The following AK5 variants were observed in gnomAD, a reference collection of about 807,000 sequenced individuals.
AK5 encodes adenylate kinase isoenzyme 5.
A neutral mutation model predicts 69.5 loss-of-function variants in AK5; 27 were observed. The ratio of observed to expected loss-of-function variants is 0.39; its 90% CI spans 0.29 to 0.54. AK5 has a LOEUF of 0.54. AK5 is among the 20% of genes least tolerant of loss of function. The pLI, the probability that AK5 is intolerant of heterozygous loss-of-function variation, is 0.71. For missense variants in AK5, 531 were observed against 700.4 expected (o/e 0.76, Z 2.73); for synonymous variants, 260 against 244.4 (o/e 1.06, Z -0.60).
chr1:77,558,472 T>C, intron 13 of AK5, 130 bp from the exon 14 acceptor site: 2 of 529,364 alleles, frequency 3.8e-6, no homozygotes, highest in Non-Finnish European at 6.7e-6. Context: ...TTTTTCTCTG[T>C]GTTTTGGGGG....
At chr1:77,312,621 A>T (rs547269078) in intron 5 of AK5, among the ~76,000 whole-genome samples, 50 of 152,100 alleles carry the variant, frequency 3.3e-4, no homozygotes, top group Non-Finnish European at 5.9e-4. Flanking sequence ...TAAAAAAAAA[A>T]AAAAAAAACA....
rs566830586 is a variant in AK5 at position 77,468,064 on chromosome 1, C to G, written c.1060-15253C>G. On this transcript the variant is annotated intron_variant, in intron 8 of 13. Coordinates refer to ENST00000354567, the MANE Select transcript of AK5 (RefSeq NM_174858.3). ...TAGGGTTAAAGGGGGTCTTAGAGGACTGGCCTGAGGCCACTTTAGTACACC... is the reference window on the plus strand; with the variant it reads ...TAGGGTTAAAGGGGGTCTTAGAGGAGTGGCCTGAGGCCACTTTAGTACACC... Among the ~76,000 whole-genome samples, 23 of 152,312 alleles carry G rather than the reference C, an allele frequency of 1.5e-4. No individual in the cohort carries two copies. The South Asian group carries it at 4.8e-3, about 32-fold the overall frequency.
chr1:77,521,246 G>T (rs957697657), intron 11 of AK5, among the ~76,000 whole-genome samples: 1 of 151,598 alleles, frequency 6.6e-6, no homozygotes, highest in African/African-American at 2.4e-5. Flanking sequence ...CGATTCTCCT[G>T]CCTCAACCTC....
intron 5 of AK5, among the ~76,000 whole-genome samples, chr1:77,332,805 T>C (rs376079629): frequency 2.0e-5 from 3 of 148,364 alleles, no homozygotes; most frequent in East Asian, 3.9e-4. Flanking sequence ...TGCAGCATTA[T>C]AAATAAATGT....
At chr1:77,385,295 G>C (rs1203211724) in intron 6 of AK5, among the ~76,000 whole-genome samples, 1 of 152,034 alleles carries the variant, frequency 6.6e-6, no homozygotes, top group Non-Finnish European at 1.5e-5. Context: ...GAGTAGCTGG[G>C]ACTACAGGTG....
At chr1:77,539,776 G>A (rs1659172126) in intron 13 of AK5, among the ~76,000 whole-genome samples, 1 of 152,140 alleles carries the variant, frequency 6.6e-6, no homozygotes, top group Non-Finnish European at 1.5e-5. Context: ...AACAGCTTGT[G>A]GCCTGCTCCT....
intron 6 of AK5, chr1:77,371,379 G>GA (rs1042453163): frequency 2.6e-5 from 4 of 152,238 alleles, no homozygotes; most frequent in African/African-American, 9.7e-5. Context: ...CTGAAGCCAG[G>GA]AGATCTCCAG....
At chr1:77,357,297 A>G (rs1275706691) in intron 6 of AK5, among the ~76,000 whole-genome samples, 1 of 152,214 alleles carries the variant, frequency 6.6e-6, no homozygotes, top group Non-Finnish European at 1.5e-5. Flanking sequence ...GAATTCTGGC[A>G]AGTCTCTTAA....
intron 6 of AK5, among the ~76,000 whole-genome samples, chr1:77,347,349 A>G (rs1661967356): frequency 6.6e-6 from 1 of 152,216 alleles, no homozygotes; most frequent in African/African-American, 2.4e-5. Flanking sequence ...AGAGCAGCTT[A>G]AAAGGAATCA....
At chr1:77,544,702 G>T (rs189066561) in intron 13 of AK5, among the ~76,000 whole-genome samples, 1 of 152,028 alleles carries the variant, frequency 6.6e-6, no homozygotes, top group African/African-American at 2.4e-5. Flanking sequence ...TGGAGCTGTC[G>T]TCTGCTTTGA....
At chr1:77,521,786 G>T in intron 11 of AK5, 41 bp from the exon 12 acceptor site, 1 of 1,490,494 alleles carries the variant, frequency 6.7e-7, no homozygotes, top group Non-Finnish European at 9.4e-7. Flanking sequence ...CTAGTGTTCT[G>T]TGAAAGAGCT....
chr1:77,435,492 A>T (rs1651898879), intron 8 of AK5, among the ~76,000 whole-genome samples: 1 of 152,056 alleles, frequency 6.6e-6, no homozygotes, highest in Admixed American at 6.6e-5. Flanking sequence ...CATTAAAAAT[A>T]TAAAAATTAG....
chr1:77,420,720 C>A (rs1650751983), intron 8 of AK5, among the ~76,000 whole-genome samples: 1 of 152,188 alleles, frequency 6.6e-6, no homozygotes, highest in Non-Finnish European at 1.5e-5. Context: ...TTCCCCACTC[C>A]AATAAAGCCA....
chr1:77,351,663 C>G (rs753184607), intron 6 of AK5, among the ~76,000 whole-genome samples: 1 of 152,054 alleles, frequency 6.6e-6, no homozygotes, highest in Non-Finnish European at 1.5e-5. Context: ...TTTAGGAAAG[C>G]AAAAGCTTTC....
chr1:77,558,829 G>A lies in AK5; in HGVS notation c.*159G>A. On this transcript the variant is annotated 3_prime_UTR_variant, in exon 14 of 14. Coordinates refer to ENST00000354567, the MANE Select transcript of AK5 (RefSeq NM_174858.3). ...GTTTGCTTCCCAGCTAGACCTGTGT[G>A]AGAGGTGTCTGGAAATCATGCATGG... The A allele has an allele frequency of 1.6e-6, 1 of 614,226 alleles. No homozygotes were observed. The highest frequency in any genetic ancestry group is 3.0e-6 in the Non-Finnish European group (1 of 335,698). The allele number at this position is 614,226 out of a possible 1,614,324, so 38.0% of individuals were successfully genotyped here. A position where few individuals can be genotyped will look rare whatever the true frequency, so the allele number is the denominator to read the frequency against.
intron 6 of AK5, among the ~76,000 whole-genome samples, chr1:77,384,539 G>T (rs968594025): frequency 6.6e-6 from 1 of 152,098 alleles, no homozygotes; most frequent in Non-Finnish European, 1.5e-5. Flanking sequence ...TACATAAGTC[G>T]ATCAGATCAG....
chr1:77,470,835 A>G (rs1654414970), intron 8 of AK5, among the ~76,000 whole-genome samples: 1 of 980 alleles, frequency 1.0e-3, no homozygotes, highest in African/African-American at 2.1e-3. Context: ...GAATATATAT[A>G]TATATATATA....
chr1:77,346,665 T>A (rs1260343599), intron 6 of AK5, among the ~76,000 whole-genome samples: 2 of 152,138 alleles, frequency 1.3e-5, no homozygotes, highest in East Asian at 3.9e-4. Context: ...CCCACCTAAT[T>A]TTTCGTATGT....
At chr1:77,491,775 A>G (rs1218786906) in intron 10 of AK5, among the ~76,000 whole-genome samples, 1 of 152,226 alleles carries the variant, frequency 6.6e-6, no homozygotes, top group Non-Finnish European at 1.5e-5. Flanking sequence ...CAGACACTAC[A>G]TAAAGCACTT....
Sources: allele counts gnomAD v4.1 joint callset (sites outside exome capture counted in the v4.1 genomes callset), GRCh38; gene constraint gnomAD v4.1.1; transcripts MANE v1.5; gene names NCBI Gene and HGNC (gene_info 2026-07-23, HGNC 2026-07-21).